The following STX3 variants were observed in gnomAD, a reference collection of about 807,000 sequenced individuals.
The protein encoded by STX3 is syntaxin-3.
In STX3, 19 loss-of-function variants were observed where a neutral mutation model predicts 40.2. The observed-to-expected ratio is 0.47, with a 90% CI of 0.33 to 0.69. STX3 has a LOEUF of 0.69. Ranked by LOEUF, STX3 falls within the 30% of genes least tolerant of loss-of-function variation. STX3 has a pLI of 0.02. For synonymous variants in STX3, 122 were observed against 132.2 expected, an observed-to-expected ratio of 0.92 and a Z score of 0.53; for missense variants, 364 against 366.7, an observed-to-expected ratio of 0.99 and a Z score of 0.06.
At chr11:59,760,772 C>A (rs1862988659) in intron 1 of STX3, among the ~76,000 whole-genome samples, 1 of 152,144 alleles carries the variant, frequency 6.6e-6, no homozygotes. Flanking sequence ...GACTGAGATC[C>A]CCATCTGGGA....
chr11:59,776,676 A>T (rs1244818577), intron 2 of STX3, among the ~76,000 whole-genome samples: 3 of 152,210 alleles, frequency 2.0e-5, no homozygotes, highest in Non-Finnish European at 4.4e-5. Flanking sequence ...CAGCTTAGTC[A>T]TAGAGGTATT....
chr11:59,795,255 A>G, intron 8 of STX3, 117 bp from the exon 9 acceptor site: 1 of 805,490 alleles, frequency 1.2e-6, no homozygotes. Context: ...CCATGCATCA[A>G]GGTTTGTGGA....
In STX3 at chr11:59,755,480, C is replaced by T. The variant is rs1862655593; in HGVS notation, c.-126C>T. Reference sequence around the variant, plus strand: ...GCTAGCGGCCGCCGCCCGCCGCCGCCTGCGCCTCCAGCTCCTTCGCCCCGG... The same window carrying T: ...GCTAGCGGCCGCCGCCCGCCGCCGCTTGCGCCTCCAGCTCCTTCGCCCCGG... On this transcript the variant is annotated 5_prime_UTR_variant, in exon 1 of 11. Coordinates refer to ENST00000337979, the MANE Select transcript of STX3 (RefSeq NM_004177.5). 1.4e-5 allele frequency: 17 copies of T among 1,237,680 alleles called. No homozygotes were observed. The highest frequency in any genetic ancestry group is 1.8e-5 in the Non-Finnish European group (17 of 951,078). 76.7% of individuals were successfully genotyped at this position (1,237,680 alleles called of 1,614,324 possible). A position where few individuals can be genotyped will look rare whatever the true frequency, so the allele number is the denominator to read the frequency against.
At chr11:59,774,591 G>T (rs1303330181) in intron 2 of STX3, among the ~76,000 whole-genome samples, 1 of 152,170 alleles carries the variant, frequency 6.6e-6, no homozygotes, top group African/African-American at 2.4e-5. Flanking sequence ...CCAGCACTTT[G>T]GGGGGCCGAG....
At chr11:59,796,891 G>C (rs945071194) in intron 9 of STX3, among the ~76,000 whole-genome samples, 1 of 152,148 alleles carries the variant, frequency 6.6e-6, no homozygotes, top group Non-Finnish European at 1.5e-5. Context: ...TGAGAGGATT[G>C]CTTGAGCCCA....
rs763227341 is a variant in STX3 at position 59,795,419 on chromosome 11, C to T, written c.723C>T (p.Asp241=). The change falls in exon 9 of 11, where the codon GAC becomes GAT. Residue 241 remains aspartate, a synonymous_variant. Transcript: ENST00000337979. ...NIELNVMHTV[D]HVEKARDETK... ...AGTTGAATGTCATGCACACAGTGGA[C>T]CACGTGGAGAAGGCACGAGATGAAA... The T allele has an allele frequency of 4.1e-5, 66 of 1,613,518 alleles. No homozygotes were observed. The Admixed American group carries it at 1.1e-3, about 26-fold the overall frequency.
intron 1 of STX3, among the ~76,000 whole-genome samples, chr11:59,769,019 G>A (rs1376745893): frequency 6.6e-6 from 1 of 152,032 alleles, no homozygotes; most frequent in African/African-American, 2.4e-5. Context: ...TATCCATTAA[G>A]TAATTTCTTG....
At position 59,787,060 on chromosome 11, in the gene STX3, T is replaced by G; in HGVS notation, c.138T>G (p.Ile46Met). 1 of 1,614,164 alleles carries G rather than the reference T, an allele frequency of 6.2e-7. No homozygotes were observed. The highest frequency in any genetic ancestry group is 8.5e-7 in the Non-Finnish European group (1 of 1,180,002). ...AGATTGAGGAAACTCGGCTTAACAT[T>G]GACAAGATCTCAGAACATGTAGAGG... Reference protein sequence around the residue: ...FSEIEETRLNIDKISEHVEEA... With the variant: ...FSEIEETRLNMDKISEHVEEA... Residue 46 changes from isoleucine (I) to methionine (M), a missense_variant, in exon 3 of 11, where the codon ATT becomes ATG. By Grantham distance (10) the Ile-to-Met change is conservative. Transcript: ENST00000337979.
In STX3 at chr11:59,802,219, T is replaced by C. The variant is rs1865911568; in HGVS notation, c.*1395T>C. ...GAGCTTGGCAGGTTCTTTGTCTCACTGAATTCTTATCATGGAAACAGCAGC... is the reference window on the plus strand; with the variant it reads ...GAGCTTGGCAGGTTCTTTGTCTCACCGAATTCTTATCATGGAAACAGCAGC... On this transcript the variant is annotated 3_prime_UTR_variant, in exon 11 of 11. Coordinates refer to ENST00000337979, the MANE Select transcript of STX3 (RefSeq NM_004177.5). 1.0e-6 allele frequency: 1 copy of C among 985,484 alleles called. No homozygotes were observed. The highest frequency in any genetic ancestry group is 1.2e-6 in the Non-Finnish European group (1 of 829,976). 61.0% of individuals were successfully genotyped at this position (985,484 alleles called of 1,614,324 possible). A position where few individuals can be genotyped will look rare whatever the true frequency, so the allele number is the denominator to read the frequency against.
At chr11:59,788,990 C>G (rs773836290) in intron 4 of STX3, 43 bp downstream of exon 4, 12 of 1,540,816 alleles carry the variant, frequency 7.8e-6, no homozygotes. Context: ...CCACCACCAT[C>G]TATCTCAGCT....
Position 59,760,067 on chromosome 11 carries a change from A to G in STX3, c.30+4432A>G, listed in dbSNP as rs184275570. ...TCTCTGGAAGAGCTGTTTTTCTGTGAGCAGACGGGAACCAGAGCTGAGAGT... is the reference window on the plus strand; with the variant it reads ...TCTCTGGAAGAGCTGTTTTTCTGTGGGCAGACGGGAACCAGAGCTGAGAGT... On this transcript the variant is annotated intron_variant, in intron 1 of 10. Coordinates refer to ENST00000337979, the MANE Select transcript of STX3 (RefSeq NM_004177.5). Among the ~76,000 whole-genome samples the G allele has an allele frequency of 3.2e-4, 48 of 152,248 alleles. No individual in the cohort carries two copies. In the East Asian group the frequency reaches 6.0e-3, roughly 19 times the overall value.
At chr11:59,789,012 C>G in intron 4 of STX3, 65 bp downstream of exon 4, 1 of 1,450,326 alleles carries the variant, frequency 6.9e-7, no homozygotes, top group South Asian at 1.2e-5. Flanking sequence ...CCCTAGGGTC[C>G]AGCTTTCCGA....
In STX3 at chr11:59,757,169, T is replaced by A. The variant is rs1481570884; in HGVS notation, c.30+1534T>A. ...ACTGCTGCTCACGGGGTAGGAGGGATGCTCCAGGACACAGAGCCGGCCAGG... is the reference window on the plus strand; with the variant it reads ...ACTGCTGCTCACGGGGTAGGAGGGAAGCTCCAGGACACAGAGCCGGCCAGG... On this transcript the variant is annotated intron_variant, in intron 1 of 10. Transcript: ENST00000337979. Among the ~76,000 whole-genome samples, 5 of 152,236 alleles carry A rather than the reference T, an allele frequency of 3.3e-5. No homozygotes were observed. The East Asian group carries it at 9.7e-4, about 29-fold the overall frequency.
intron 10 of STX3, 50 bp from the exon 11 acceptor site, chr11:59,800,805 T>G (rs1865846666): frequency 1.3e-6 from 2 of 1,535,778 alleles, no homozygotes; most frequent in African/African-American, 1.4e-5. Flanking sequence ...TCTGTTGCCC[T>G]TTGCCTTCTT....
intron 10 of STX3, chr11:59,800,092 T>G: frequency 1.0e-6 from 1 of 985,436 alleles, no homozygotes; most frequent in African/African-American, 1.7e-5. Flanking sequence ...AATTAATATG[T>G]TGTTTTTGGT....
rs1395002662 is a variant in STX3 at position 59,803,587 on chromosome 11, G to A, written c.*2763G>A. ...TAGTGATTCCTGCTAAACAGTTTGAGCCTTGGTATCTGGAAGTGACAAAAA... is the reference window on the plus strand; with the variant it reads ...TAGTGATTCCTGCTAAACAGTTTGAACCTTGGTATCTGGAAGTGACAAAAA... On this transcript the variant is annotated 3_prime_UTR_variant, in exon 11 of 11. Coordinates refer to ENST00000337979, the MANE Select transcript of STX3 (RefSeq NM_004177.5). 6.6e-6 allele frequency among the ~76,000 whole-genome samples: 1 copy of A among 152,144 alleles called. No homozygotes were observed. Among genetic ancestry groups the A allele is most frequent in the Non-Finnish European group, 1.5e-5 (1 of 68,016 alleles).
At position 59,792,219 on chromosome 11, in the gene STX3, T is replaced by C. The variant is rs377568585; in HGVS notation, c.466+4T>C. 21 of 1,613,206 alleles carry C rather than the reference T, an allele frequency of 1.3e-5. No homozygotes were observed. In the South Asian group the frequency reaches 1.4e-4, roughly 11 times the overall value. ...ATCCAGCGGCAGCTCGAAATTAGTA[T>C]GTACTTGAGGTTTGGCGTGTGCCCT... On this transcript the variant is annotated splice_donor_region_variant and intron_variant, in intron 6 of 10. Transcript: ENST00000337979.
rs1865855011 is a variant in STX3, at chr11:59,800,905, A to G, written c.*81A>G. The G allele has an allele frequency of 6.5e-7, 1 of 1,536,246 alleles. No homozygotes were observed. Among genetic ancestry groups the G allele is most frequent in the Non-Finnish European group, 8.7e-7 (1 of 1,146,874 alleles). ...TGGCCACCCTTGTCTTCAGATGAGA[A>G]TGGAGTCTGAATGGCCTTCCTGAGA... On this transcript the variant is annotated 3_prime_UTR_variant, in exon 11 of 11. Transcript: ENST00000337979.
At position 59,769,599 on chromosome 11, in the gene STX3, A is replaced by G. The variant is rs540462210; in HGVS notation, c.31-3612A>G. Among the ~76,000 whole-genome samples, 3 of 152,276 alleles carry G rather than the reference A, an allele frequency of 2.0e-5. No homozygotes were observed. The South Asian group carries it at 6.2e-4, about 32-fold the overall frequency. ...GAAGGCGACCAGGCTGCCTGGCTAC[A>G]TCTGCACAAAGCTAAGAAGTAGCCA... On this transcript the variant is annotated intron_variant, in intron 1 of 10. Coordinates refer to ENST00000337979, the MANE Select transcript of STX3 (RefSeq NM_004177.5).
Sources: gnomAD v4.1 joint callset for allele counts (sites outside exome capture counted in the v4.1 genomes callset) on GRCh38, gnomAD v4.1.1 for gene constraint, MANE v1.5 for transcripts, NCBI Gene and HGNC (gene_info 2026-07-23, HGNC 2026-07-21) for gene names.